The following BCAS3 variants were observed in gnomAD, a reference collection of about 807,000 sequenced individuals.
BCAS3 encodes the protein BCAS3 microtubule associated cell migration factor.
In BCAS3, 53 loss-of-function variants were observed where a neutral mutation model predicts 116.1. That is an observed-to-expected ratio of 0.46 (90% CI 0.37 to 0.57). The LOEUF is 0.57. Among genes scored for constraint, BCAS3 ranks in the 20% least tolerant of loss-of-function variants. The pLI is 0.00. For missense variants in BCAS3, 917 were observed against 1,165.4 expected (o/e 0.79, Z 3.10); for synonymous variants, 391 against 408.2 (o/e 0.96, Z 0.51).
chr17:60,711,383 TAAAAC>T (rs896141187), intron 5 of BCAS3, among the ~76,000 whole-genome samples: 4 of 152,244 alleles, frequency 2.6e-5, no homozygotes, highest in African/African-American at 9.6e-5. Context: ...TAGGTTGTGA[TAAAAC>T]AAAAGGGTTT....
At chr17:60,846,103 A>T (rs1368858755) in intron 7 of BCAS3, among the ~76,000 whole-genome samples, 4 of 150,796 alleles carry the variant, frequency 2.7e-5, no homozygotes, top group South Asian at 2.1e-4. Context: ...TAATTTTTAA[A>T]TTTTTTTGTA....
chr17:61,195,675 G>A (rs1485527687), intron 22 of BCAS3, among the ~76,000 whole-genome samples: 4 of 151,124 alleles, frequency 2.6e-5, no homozygotes, highest in African/African-American at 4.9e-5. Flanking sequence ...CACCGCACCC[G>A]GCCCCCCTCG....
intron 22 of BCAS3, among the ~76,000 whole-genome samples, chr17:61,230,841 CTGTTT>C (rs1375391142): frequency 6.6e-6 from 1 of 151,908 alleles, no homozygotes; most frequent in East Asian, 1.9e-4. Context: ...AATGGTAGCT[CTGTTT>C]TAAGTTCTTT....
intron 22 of BCAS3, among the ~76,000 whole-genome samples, chr17:61,197,231 A>C (rs2080533500): frequency 6.6e-6 from 1 of 152,214 alleles, no homozygotes; most frequent in Admixed American, 6.5e-5. Flanking sequence ...AGTGATGAAG[A>C]AAAAATTTGT....
chr17:61,123,471 G>T (rs8070335), intron 22 of BCAS3, among the ~76,000 whole-genome samples: 15,206 of 152,056 alleles, frequency 0.1, 2,302 homozygotes, highest in African/African-American at 0.33. Flanking sequence ...AAATAATAAT[G>T]ATAATATATA....
intron 4 of BCAS3, among the ~76,000 whole-genome samples, chr17:60,701,817 A>AAAAG (rs1300777256): frequency 6.4e-4 from 96 of 149,236 alleles, no homozygotes; most frequent in African/African-American, 2.3e-3. Flanking sequence ...AAAAAAAAAA[A>AAAAG]AAAAGAAAAA....
chr17:61,381,800 G>T lies in BCAS3; in HGVS notation c.2594-10177G>T, dbSNP rs1052594281. Among the ~76,000 whole-genome samples the T allele has an allele frequency of 5.9e-5, 9 of 152,270 alleles. No individual in the cohort carries two copies. The highest frequency in any genetic ancestry group is 8.8e-5 in the Non-Finnish European group (6 of 68,034). On this transcript the variant is annotated intron_variant, in intron 23 of 23. Transcript: ENST00000407086. This position sits in a 1 kb window ranked among gnomAD's most constrained non-coding sequence, Gnocchi z 6.0. ...TGTATGTGGTTCTGGTTCTCTGGTAGGGTTGCTGTGAGCAGCATGTGGGAC... is the reference window on the plus strand; with the variant it reads ...TGTATGTGGTTCTGGTTCTCTGGTATGGTTGCTGTGAGCAGCATGTGGGAC...
intron 7 of BCAS3, among the ~76,000 whole-genome samples, chr17:60,833,113 C>T (rs1226289933): frequency 6.6e-6 from 1 of 152,090 alleles, no homozygotes; most frequent in African/African-American, 2.4e-5. Flanking sequence ...GCGATCCTCC[C>T]ACCTCAGACT....
chr17:60,999,112 G>A (rs74425043), intron 15 of BCAS3, among the ~76,000 whole-genome samples: 1,559 of 152,144 alleles, frequency 0.01, 34 homozygotes, highest in African/African-American at 0.036. Context: ...CGACTTTGTC[G>A]AAGAATATCA....
chr17:61,370,988 T>G (rs1454466671), intron 23 of BCAS3, among the ~76,000 whole-genome samples: 1 of 152,232 alleles, frequency 6.6e-6, no homozygotes, highest in Non-Finnish European at 1.5e-5. Context: ...CTAGGTGGCT[T>G]ATAGGACAAA....
At position 60,874,670 on chromosome 17, in the gene BCAS3, T is replaced by C; in HGVS notation, c.593T>C (p.Val198Ala). ...YDLHCNKRIL[V>A]VVLQEKIAAF... ...TCTCTCTCTAATTTTAGGATCCTTG[T>C]CGTAGTCTTGCAGGAGAAAATTGCT... The change falls in exon 9 of 24, where the codon GTC becomes GCC. Residue 198 changes from valine (V) to alanine (A), a missense_variant. Transcript: ENST00000407086. The C allele has an allele frequency of 1.9e-6, 3 of 1,607,754 alleles. No individual in the cohort carries two copies. Among genetic ancestry groups the C allele is most frequent in the Non-Finnish European group, 2.6e-6 (3 of 1,175,848 alleles).
intron 7 of BCAS3, among the ~76,000 whole-genome samples, chr17:60,842,038 G>T (rs556899239): frequency 1.3e-5 from 2 of 152,160 alleles, no homozygotes; most frequent in East Asian, 3.9e-4. Flanking sequence ...ATTTACCAAG[G>T]TGTACACTTT....
rs558372952 is a variant in BCAS3 at position 61,261,136 on chromosome 17, T to C, written c.2426-107191T>C. ...GAAGACTGAGGTGCCCCCATCAGAA[T>C]ATAAAGAGTCAGAAACTTAAAACCA... On this transcript the variant is annotated intron_variant, in intron 22 of 23. Transcript: ENST00000407086. This position sits in a 1 kb window ranked among gnomAD's most constrained non-coding sequence, Gnocchi z 4.4. Among the ~76,000 whole-genome samples, 12 of 152,262 alleles carry C rather than the reference T, an allele frequency of 7.9e-5. No homozygotes were observed. In the South Asian group the frequency reaches 2.1e-3, roughly 26 times the overall value.
chr17:61,207,753 C>T (rs915361631), intron 22 of BCAS3, among the ~76,000 whole-genome samples: 10 of 152,072 alleles, frequency 6.6e-5, no homozygotes, highest in Non-Finnish European at 8.8e-5. Context: ...GAAAATCCGC[C>T]CTCTTACATG....
At chr17:60,944,019 T>C (rs2060355251) in intron 13 of BCAS3, among the ~76,000 whole-genome samples, 1 of 151,984 alleles carries the variant, frequency 6.6e-6, no homozygotes, top group Non-Finnish European at 1.5e-5. Flanking sequence ...ATGTGCTTAC[T>C]CCAGAAAAGA....
chr17:61,165,705 A>C (rs2078450349), intron 22 of BCAS3, among the ~76,000 whole-genome samples: 1 of 152,150 alleles, frequency 6.6e-6, no homozygotes. Flanking sequence ...AAACAAACAA[A>C]CAAAAAACTT....
At position 61,361,142 on chromosome 17, in the gene BCAS3, A is replaced by T. The variant is rs1172929624; in HGVS notation, c.2426-7185A>T. Among the ~76,000 whole-genome samples, 3 of 152,000 alleles carry T rather than the reference A, an allele frequency of 2.0e-5. No homozygotes were observed. Among genetic ancestry groups the T allele is most frequent in the African/African-American group, 7.2e-5 (3 of 41,380 alleles). Reference sequence around the variant, plus strand: ...CATTTATTTATTTTCTGTGTCATAAATGGGGAAATTAAGACCTAGAGGGAT... The same window carrying T: ...CATTTATTTATTTTCTGTGTCATAATTGGGGAAATTAAGACCTAGAGGGAT... On this transcript the variant is annotated intron_variant, in intron 22 of 23. Coordinates refer to ENST00000407086, the MANE Select transcript of BCAS3 (RefSeq NM_017679.5). This position sits in a 1 kb window ranked among gnomAD's most constrained non-coding sequence, Gnocchi z 6.5.
At chr17:60,733,169 GTTA>G (rs1320388782) in intron 5 of BCAS3, among the ~76,000 whole-genome samples, 2 of 152,162 alleles carry the variant, frequency 1.3e-5, no homozygotes, top group Non-Finnish European at 1.5e-5. Context: ...AGATAAATAT[GTTA>G]TTAACCTTAT....
Position 61,347,391 on chromosome 17 carries a change from CT to C in BCAS3, c.2426-20934del, listed in dbSNP as rs1312226657. ...GCCACCGCACCCGGCCAGAATCACT[CT>C]TCAGATATTTGAATAGTGAAATTGT... On this transcript the variant is annotated intron_variant, in intron 22 of 23. Transcript: ENST00000407086. This position sits in a 1 kb window ranked among gnomAD's most constrained non-coding sequence, Gnocchi z 4.3. Among the ~76,000 whole-genome samples the C allele has an allele frequency of 6.6e-6, 1 of 152,198 alleles. No individual in the cohort carries two copies. The highest frequency in any genetic ancestry group is 1.5e-5 in the Non-Finnish European group (1 of 68,042).
Sources: gnomAD v4.1 joint callset for allele counts (sites outside exome capture counted in the v4.1 genomes callset) on GRCh38, gnomAD v4.1.1 for gene constraint, Gnocchi (gnomAD v3.1) non-coding constraint, MANE v1.5 for transcripts, NCBI Gene and HGNC (gene_info 2026-07-23, HGNC 2026-07-21) for gene names.